The following KCNQ1OT1 variants were observed in gnomAD, a reference collection of about 807,000 sequenced individuals.
The protein encoded by KCNQ1OT1 is KCNQ1 opposite strand/antisense transcript 1.
chr11:2,617,236 A>G lies in KCNQ1OT1; in HGVS notation n.82759T>C, dbSNP rs982423434. On this transcript the variant is annotated non_coding_transcript_exon_variant, in exon 1 of 1. Transcript: ENST00000597346. This position sits in a 1 kb window ranked among gnomAD's most constrained non-coding sequence, Gnocchi z 4.6. ...CTACATCTTTCCATTTTCTTCCCCC[A>G]CACCTTGCCCATGGTAACCACTAGT... 5.0e-6 allele frequency: 2 copies of G among 397,978 alleles called. No homozygotes were observed. The highest frequency in any genetic ancestry group is 4.1e-5 in the African/African-American group (2 of 48,508). The allele number at this position is 397,978 out of a possible 1,614,324, so 24.7% of individuals were successfully genotyped here.
chr11:2,691,304 A>G lies in KCNQ1OT1; in HGVS notation n.8691T>C. On this transcript the variant is annotated non_coding_transcript_exon_variant, in exon 1 of 1. Coordinates refer to ENST00000597346, the Ensembl canonical transcript of KCNQ1OT1. The surrounding 1 kb of genome is among the most constrained non-coding windows in gnomAD (Gnocchi z 6.4). ...AAGGAGAGCTGACAAGAAAAAGGCGATGTCTCACCCCTGAGCTACAATCCA... is the reference window on the plus strand; with the variant it reads ...AAGGAGAGCTGACAAGAAAAAGGCGGTGTCTCACCCCTGAGCTACAATCCA... 5.0e-6 allele frequency: 2 copies of G among 398,586 alleles called. No individual in the cohort carries two copies. Among genetic ancestry groups the G allele is most frequent in the Non-Finnish European group, 8.8e-6 (2 of 226,076 alleles). 24.7% of individuals were successfully genotyped at this position (398,586 alleles called of 1,614,324 possible).
At position 2,624,957 on chromosome 11, in the gene KCNQ1OT1, A is replaced by G; in HGVS notation, n.75038T>C. On this transcript the variant is annotated non_coding_transcript_exon_variant, in exon 1 of 1. Coordinates refer to ENST00000597346, the Ensembl canonical transcript of KCNQ1OT1. The surrounding 1 kb of genome is among the most constrained non-coding windows in gnomAD (Gnocchi z 4.9). ...AGCTGAATAATATTACATTGTATGT[A>G]TATACCACATTTTGCTTATCCATTC... The G allele has an allele frequency of 2.5e-6, 1 of 398,586 alleles. No individual in the cohort carries two copies. The highest frequency in any genetic ancestry group is 4.4e-6 in the Non-Finnish European group (1 of 226,070). 24.7% of individuals were successfully genotyped at this position (398,586 alleles called of 1,614,324 possible).
exon 1 of KCNQ1OT1, chr11:2,631,795 C>T (rs1849356926): frequency 7.5e-6 from 3 of 398,476 alleles, no homozygotes; most frequent in African/African-American, 2.1e-5. Context: ...TTACAAAGGT[C>T]CTTGGTGGCC....
chr11:2,673,836 A>T lies in KCNQ1OT1; in HGVS notation n.26159T>A, dbSNP rs1850234464. ...TCCCAGGCCCACAAGCACCACAGCC[A>T]GGAGAGTCAAGGTTGGATATGAAGA... On this transcript the variant is annotated non_coding_transcript_exon_variant, in exon 1 of 1. Transcript: ENST00000597346. The surrounding 1 kb of genome is among the most constrained non-coding windows in gnomAD (Gnocchi z 4.5). 2.5e-6 allele frequency: 1 copy of T among 398,656 alleles called. No individual in the cohort carries two copies. The highest frequency in any genetic ancestry group is 4.4e-6 in the Non-Finnish European group (1 of 226,204). The allele number at this position is 398,656 out of a possible 1,614,324, so 24.7% of individuals were successfully genotyped here. A position where few individuals can be genotyped will look rare whatever the true frequency, so the allele number is the denominator to read the frequency against.
Position 2,678,844 on chromosome 11 carries a change from C to T in KCNQ1OT1, n.21151G>A. 1 of 398,586 alleles carries T rather than the reference C, an allele frequency of 2.5e-6. No individual in the cohort carries two copies. Among genetic ancestry groups the T allele is most frequent in the Non-Finnish European group, 4.4e-6 (1 of 226,068 alleles). The allele number at this position is 398,586 out of a possible 1,614,324, so 24.7% of individuals were successfully genotyped here. Reference sequence around the variant, plus strand: ...AGGCTCACTTCAAGGAAGGCAGAATCCAGGTCGGGGGTGCACAGGAGTTGC... The same window carrying T: ...AGGCTCACTTCAAGGAAGGCAGAATTCAGGTCGGGGGTGCACAGGAGTTGC... On this transcript the variant is annotated non_coding_transcript_exon_variant, in exon 1 of 1. Coordinates refer to ENST00000597346, the Ensembl canonical transcript of KCNQ1OT1. This position sits in a 1 kb window ranked among gnomAD's most constrained non-coding sequence, Gnocchi z 4.9.
chr11:2,659,985 T>A lies in KCNQ1OT1; in HGVS notation n.40010A>T. The A allele has an allele frequency of 2.5e-6, 1 of 398,484 alleles. No homozygotes were observed. The highest frequency in any genetic ancestry group is 3.6e-5 in the East Asian group (1 of 28,022). 24.7% of individuals were successfully genotyped at this position (398,484 alleles called of 1,614,324 possible). The stretch of plus-strand genomic sequence containing the variant: ...TATGCAAATATTCTTTCCAAGTCTG[T>A]GCTTTGTCTTTTCATTCCATTAGCA... On this transcript the variant is annotated non_coding_transcript_exon_variant, in exon 1 of 1. Transcript: ENST00000597346. This position sits in a 1 kb window ranked among gnomAD's most constrained non-coding sequence, Gnocchi z 4.3.
chr11:2,660,517 C>G (rs1043595104), exon 1 of KCNQ1OT1: 1 of 398,390 alleles, frequency 2.5e-6, no homozygotes, highest in Admixed American at 4.4e-5. Flanking sequence ...GAGTTAATGT[C>G]TGTAATGTAT....
chr11:2,697,727 T>A, exon 1 of KCNQ1OT1: 1 of 398,638 alleles, frequency 2.5e-6, no homozygotes, highest in Non-Finnish European at 4.4e-6. Flanking sequence ...TCCCACTTGT[T>A]TAAGAATTGT....
rs1292080598 is a variant in KCNQ1OT1 at position 2,642,614 on chromosome 11, G to T, written n.57381C>A. On this transcript the variant is annotated non_coding_transcript_exon_variant, in exon 1 of 1. Transcript: ENST00000597346. The surrounding 1 kb of genome is among the most constrained non-coding windows in gnomAD (Gnocchi z 4.3). The stretch of plus-strand genomic sequence containing the variant: ...GTTATTTTGTTTCTTTTCAAAAACC[G>T]ATTTTGCATTTCATTGATCCTTTAT... 2.5e-6 allele frequency: 1 copy of T among 397,550 alleles called. No homozygotes were observed. The allele number at this position is 397,550 out of a possible 1,614,324, so 24.6% of individuals were successfully genotyped here.
rs1850353803 is a variant in KCNQ1OT1, at chr11:2,679,627, T to A, written n.20368A>T. The A allele has an allele frequency of 2.5e-6, 1 of 398,448 alleles. No individual in the cohort carries two copies. Among genetic ancestry groups the A allele is most frequent in the African/African-American group, 2.1e-5 (1 of 48,596 alleles). The allele number at this position is 398,448 out of a possible 1,614,324, so 24.7% of individuals were successfully genotyped here. A position where few individuals can be genotyped will look rare whatever the true frequency, so the allele number is the denominator to read the frequency against. On this transcript the variant is annotated non_coding_transcript_exon_variant, in exon 1 of 1. Transcript: ENST00000597346. The surrounding 1 kb of genome is among the most constrained non-coding windows in gnomAD (Gnocchi z 4.8). ...CGAGTTGGAATGAATAGTATCAGCA[T>A]CAGAAAAAATACAAGTGCATCCTCA...
Position 2,687,283 on chromosome 11 carries a change from T to G in KCNQ1OT1, n.12712A>C. On this transcript the variant is annotated non_coding_transcript_exon_variant, in exon 1 of 1. Coordinates refer to ENST00000597346, the Ensembl canonical transcript of KCNQ1OT1. The surrounding 1 kb of genome is among the most constrained non-coding windows in gnomAD (Gnocchi z 5.0). ...GCTTCTCTCCTCTGGCCTCCCACCTTGCAGCTTTGAGATCCCAGGCCTCTC... is the reference window on the plus strand; with the variant it reads ...GCTTCTCTCCTCTGGCCTCCCACCTGGCAGCTTTGAGATCCCAGGCCTCTC... 2.5e-6 allele frequency: 1 copy of G among 398,666 alleles called. No homozygotes were observed. Among genetic ancestry groups the G allele is most frequent in the Non-Finnish European group, 4.4e-6 (1 of 226,114 alleles). 24.7% of individuals were successfully genotyped at this position (398,666 alleles called of 1,614,324 possible).
rs1554898453 is a variant in KCNQ1OT1 at position 2,620,952 on chromosome 11, T to TTC, written n.79042_79043insGA. On this transcript the variant is annotated non_coding_transcript_exon_variant, in exon 1 of 1. Coordinates refer to ENST00000597346, the Ensembl canonical transcript of KCNQ1OT1. The surrounding 1 kb of genome is among the most constrained non-coding windows in gnomAD (Gnocchi z 4.5). Reference sequence around the variant, plus strand: ...TTGTTGTTGTTGTTTTGTTTTGTTTTTTTTTGTCTGTTTTTTGCTTTTTTG... The same window carrying TTC: ...TTGTTGTTGTTGTTTTGTTTTGTTTTTCTTTTTGTCTGTTTTTTGCTTTTTTG... 2 of 397,750 alleles carry TTC rather than the reference T, an allele frequency of 5.0e-6. No homozygotes were observed. The highest frequency in any genetic ancestry group is 8.9e-6 in the Non-Finnish European group (2 of 225,906). 24.6% of individuals were successfully genotyped at this position (397,750 alleles called of 1,614,324 possible). A position where few individuals can be genotyped will look rare whatever the true frequency, so the allele number is the denominator to read the frequency against.
At chr11:2,618,190 T>A (rs1237657371) in exon 1 of KCNQ1OT1, 1 of 398,462 alleles carries the variant, frequency 2.5e-6, no homozygotes, top group Non-Finnish European at 4.4e-6. Context: ...TTGAGTTTAT[T>A]TCTATGTATG....
exon 1 of KCNQ1OT1, chr11:2,644,028 TTC>T: frequency 5.0e-6 from 2 of 398,570 alleles, no homozygotes; most frequent in Non-Finnish European, 8.8e-6. Flanking sequence ...GGTTTTATGA[TTC>T]TCTCTTTGTC....
rs1849872441 is a variant in KCNQ1OT1 at position 2,657,612 on chromosome 11, A to G, written n.42383T>C. On this transcript the variant is annotated non_coding_transcript_exon_variant, in exon 1 of 1. Transcript: ENST00000597346. The surrounding 1 kb of genome is among the most constrained non-coding windows in gnomAD (Gnocchi z 4.8). ...CATTGACCAAAACTAAAAAATTAAC[A>G]TTGGTACACTATTAAGCTAGAGTTA... The G allele has an allele frequency of 7.5e-6, 3 of 398,518 alleles. No individual in the cohort carries two copies. The highest frequency in any genetic ancestry group is 8.8e-5 in the Admixed American group (2 of 22,724). The allele number at this position is 398,518 out of a possible 1,614,324, so 24.7% of individuals were successfully genotyped here. A position where few individuals can be genotyped will look rare whatever the true frequency, so the allele number is the denominator to read the frequency against.
rs1464098586 is a variant in KCNQ1OT1 at position 2,657,860 on chromosome 11, G to A, written n.42135C>T. 3 of 398,490 alleles carry A rather than the reference G, an allele frequency of 7.5e-6. No homozygotes were observed. Among genetic ancestry groups the A allele is most frequent in the South Asian group, 1.3e-4 (1 of 7,858 alleles). The allele number at this position is 398,490 out of a possible 1,614,324, so 24.7% of individuals were successfully genotyped here. On this transcript the variant is annotated non_coding_transcript_exon_variant, in exon 1 of 1. Coordinates refer to ENST00000597346, the Ensembl canonical transcript of KCNQ1OT1. This position sits in a 1 kb window ranked among gnomAD's most constrained non-coding sequence, Gnocchi z 4.8. ...TCTCAGGACTAGACCAGGGTTATAG[G>A]TTTAGGGGAAGGAGGCCAGTGAGGT...
At chr11:2,618,901 G>A in exon 1 of KCNQ1OT1, 1 of 398,040 alleles carries the variant, frequency 2.5e-6, no homozygotes, top group Non-Finnish European at 4.4e-6. Context: ...TCATCTTTTT[G>A]GCTAAATTTA....
chr11:2,668,699 C>T lies in KCNQ1OT1; in HGVS notation n.31296G>A, dbSNP rs1214845673. The T allele has an allele frequency of 2.5e-6, 1 of 398,478 alleles. No homozygotes were observed. The highest frequency in any genetic ancestry group is 4.4e-6 in the Non-Finnish European group (1 of 226,072). 24.7% of individuals were successfully genotyped at this position (398,478 alleles called of 1,614,324 possible). ...TCAGAGAGAGAGATACACACACTCACACTCTCTCACAGACACACACATTGC... is the reference window on the plus strand; with the variant it reads ...TCAGAGAGAGAGATACACACACTCATACTCTCTCACAGACACACACATTGC... On this transcript the variant is annotated non_coding_transcript_exon_variant, in exon 1 of 1. Transcript: ENST00000597346. This position sits in a 1 kb window ranked among gnomAD's most constrained non-coding sequence, Gnocchi z 4.3.
chr11:2,672,576 C>T (rs1850205939), exon 1 of KCNQ1OT1: 1 of 398,692 alleles, frequency 2.5e-6, no homozygotes, highest in East Asian at 3.6e-5. Flanking sequence ...ACCACATGGC[C>T]TGAATTTTGA....
Sources: allele counts gnomAD v4.1 joint callset, GRCh38; gene constraint gnomAD v4.1.1; non-coding constraint Gnocchi (gnomAD v3.1); transcripts MANE v1.5; gene names NCBI Gene and HGNC (gene_info 2026-07-23, HGNC 2026-07-21).